GPR15LG: variants seen among roughly 807,000 people sequenced by gnomAD.
GPR15LG encodes the protein G protein-coupled receptor 15 ligand, also known as protein GPR15LG.
At chr10:84,178,741 T>C in the GPR15LG span, among the ~76,000 whole-genome samples, 1 of 152,270 alleles carries the variant, frequency 6.6e-6, no homozygotes, top group South Asian at 2.1e-4. Context: ...GTTTTGTTAC[T>C]TCTGGAGAAT....
At chr10:84,183,841 T>C in the GPR15LG span, among the ~76,000 whole-genome samples, 1 of 152,082 alleles carries the variant, frequency 6.6e-6, no homozygotes, top group South Asian at 2.1e-4. Context: ...AGACGGCATT[T>C]CATCATGTTG....
the GPR15LG span, among the ~76,000 whole-genome samples, chr10:84,183,167 T>C: frequency 3.9e-5 from 6 of 152,242 alleles, no homozygotes; most frequent in Admixed American, 6.5e-5. Context: ...GGCACTTACA[T>C]CTGCTAACTC....
chr10:84,177,380 G>A, the GPR15LG span, among the ~76,000 whole-genome samples: 1 of 152,192 alleles, frequency 6.6e-6, no homozygotes, highest in Non-Finnish European at 1.5e-5. Context: ...GGGAGACTGT[G>A]GACCCTGAGT....
At chr10:84,175,841 AT>A in the GPR15LG span, among the ~76,000 whole-genome samples, 3 of 151,818 alleles carry the variant, frequency 2.0e-5, no homozygotes, top group Non-Finnish European at 4.4e-5. Flanking sequence ...TAAAAGGTAT[AT>A]ATGTACATAA....
the GPR15LG span, among the ~76,000 whole-genome samples, chr10:84,174,472 C>A: frequency 6.7e-6 from 1 of 149,584 alleles, no homozygotes; most frequent in African/African-American, 2.5e-5. Context: ...ATATTTAGCT[C>A]TCTTGCCCTT....
the GPR15LG span, among the ~76,000 whole-genome samples, chr10:84,176,995 A>G: frequency 1.3e-5 from 2 of 152,182 alleles, no homozygotes; most frequent in Non-Finnish European, 2.9e-5. Flanking sequence ...GTACTCCCAG[A>G]AGCTAAGGAC....
At chr10:84,177,358 C>T in the GPR15LG span, among the ~76,000 whole-genome samples, 2 of 152,306 alleles carry the variant, frequency 1.3e-5, no homozygotes, top group South Asian at 4.1e-4. Context: ...GTAGGGCAGG[C>T]AGATCCCCAA....
At chr10:84,177,897 G>A in the GPR15LG span, among the ~76,000 whole-genome samples, 2 of 152,174 alleles carry the variant, frequency 1.3e-5, no homozygotes, top group African/African-American at 4.8e-5. Flanking sequence ...ACTGCTCAGA[G>A]GCAGGAAGTT....
chr10:84,173,871 C>T, the GPR15LG span: 1 of 1,613,666 alleles, frequency 6.2e-7, no homozygotes, highest in Admixed American at 1.7e-5. Context: ...CTAGTCCTTT[C>T]CAGCCTGCTC....
At chr10:84,183,165 C>T in the GPR15LG span, among the ~76,000 whole-genome samples, 1 of 152,214 alleles carries the variant, frequency 6.6e-6, no homozygotes, top group African/African-American at 2.4e-5. Flanking sequence ...GTGGCACTTA[C>T]ATCTGCTAAC....
At chr10:84,180,432 T>A in the GPR15LG span, among the ~76,000 whole-genome samples, 3 of 150,884 alleles carry the variant, frequency 2.0e-5, no homozygotes, top group African/African-American at 7.3e-5. Flanking sequence ...GCAGAGGGGC[T>A]CCTCAGTTCC....
chr10:84,185,225 C>G, the GPR15LG span: 1 of 243,642 alleles, frequency 4.1e-6, no homozygotes, highest in Admixed American at 6.2e-5. Flanking sequence ...AGCCTCCTGA[C>G]ATGAGTCTGC....
At chr10:84,176,966 T>C in the GPR15LG span, among the ~76,000 whole-genome samples, 1 of 151,740 alleles carries the variant, frequency 6.6e-6, no homozygotes. Flanking sequence ...GGAAGACAGA[T>C]GGTAGCAGGG....
At chr10:84,175,607 C>T in the GPR15LG span, among the ~76,000 whole-genome samples, 1 of 152,212 alleles carries the variant, frequency 6.6e-6, no homozygotes, top group Non-Finnish European at 1.5e-5. Context: ...AGGGCTCAAG[C>T]AATACTCGCA....
At chr10:84,179,086 A>G in the GPR15LG span, among the ~76,000 whole-genome samples, 1 of 152,228 alleles carries the variant, frequency 6.6e-6, no homozygotes, top group Non-Finnish European at 1.5e-5. Context: ...CGTGCAAGCC[A>G]GACGGCTGAC....
the GPR15LG span, chr10:84,176,460 T>A: frequency 6.3e-7 from 1 of 1,586,074 alleles, no homozygotes; most frequent in Non-Finnish European, 8.7e-7. Context: ...CAGTCTCTCT[T>A]CCTTTGTGTC....
the GPR15LG span, chr10:84,176,668 C>T: frequency 2.5e-6 from 2 of 789,634 alleles, no homozygotes; most frequent in Admixed American, 5.0e-5. Flanking sequence ...TGGCTGGCAT[C>T]AGGCTCTGGC....
the GPR15LG span, among the ~76,000 whole-genome samples, chr10:84,183,911 G>T: frequency 1.3e-5 from 2 of 152,016 alleles, no homozygotes; most frequent in Non-Finnish European, 2.9e-5. Context: ...CTCCCAAACC[G>T]CTAGGATTAC....
At chr10:84,181,218 A>AGGGAGAGGGAGAGGG in the GPR15LG span, among the ~76,000 whole-genome samples, 1 of 143,130 alleles carries the variant, frequency 7.0e-6, no homozygotes, top group African/African-American at 2.7e-5. Context: ...GGAGAGGGAG[A>AGGGAGAGGGAGAGGG]AGGGCTTTTT....
Sources: gnomAD v4.1 joint callset for allele counts (sites outside exome capture counted in the v4.1 genomes callset) on GRCh38, gnomAD v4.1.1 for gene constraint, MANE v1.5 for transcripts, NCBI Gene and HGNC (gene_info 2026-07-23, HGNC 2026-07-21) for gene names.